The following CACNA2D2 variants were observed in gnomAD, a reference collection of about 807,000 sequenced individuals.
The protein encoded by CACNA2D2 is calcium voltage-gated channel auxiliary subunit alpha2delta 2, also known as voltage-dependent calcium channel subunit alpha-2/delta-2.
In CACNA2D2, 48 loss-of-function variants were observed where a neutral mutation model predicts 166.4. The observed-to-expected ratio is 0.29, with a 90% CI of 0.23 to 0.37. The LOEUF is 0.37. Ranked by LOEUF, CACNA2D2 falls within the 10% of genes least tolerant of loss-of-function variation. The probability of loss-of-function intolerance (pLI) is 1.00; values close to 1 mark genes in which losing one functional copy is unlikely to be tolerated. For missense variants in CACNA2D2, 1,122 were observed against 1,433.0 expected, an observed-to-expected ratio of 0.78 and a Z score of 3.50; for synonymous variants, 561 against 573.7, an observed-to-expected ratio of 0.98 and a Z score of 0.32.
rs1704026703 is a variant in CACNA2D2 at position 50,363,250 on chromosome 3, G to A, written c.*1416C>T. 4 of 398,766 alleles carry A rather than the reference G, an allele frequency of 1.0e-5. No homozygotes were observed. In the Admixed American group the frequency reaches 1.3e-4, roughly 13 times the overall value. The allele number at this position is 398,766 out of a possible 1,614,324, so 24.7% of individuals were successfully genotyped here. On this transcript the variant is annotated 3_prime_UTR_variant, in exon 38 of 38. Coordinates refer to ENST00000424201, the MANE Select transcript of CACNA2D2 (RefSeq NM_006030.4). ...GACACCCACCCTGGCACCAGCAGTG[G>A]GCATGGACCACACACACACACTGAG...
In CACNA2D2 at chr3:50,451,637, C is replaced by T. The variant is rs527562017; in HGVS notation, c.289-17208G>A. On this transcript the variant is annotated intron_variant, in intron 2 of 37. Transcript: ENST00000424201. ...CTTGGACAACTTCCATGGGTTTTAT[C>T]GATGGTACAGACTTAGCCCATGTCT... Among the ~76,000 whole-genome samples the T allele has an allele frequency of 4.2e-4, 64 of 152,320 alleles. No individual in the cohort carries two copies. In the South Asian group the frequency reaches 6.4e-3, roughly 15 times the overall value.
chr3:50,379,663 G>C lies in CACNA2D2; in HGVS notation c.993+62C>G, dbSNP rs1240569088. ...GCAGCTATTGCATGGGGCTGGTGAT[G>C]GTCACAGGAGCAGGGCAGATGGGGT... On this transcript the variant is annotated intron_variant, in intron 10 of 37. Transcript: ENST00000424201. This position sits in a 1 kb window ranked among gnomAD's most constrained non-coding sequence, Gnocchi z 6.5. 1.2e-6 allele frequency: 2 copies of C among 1,611,568 alleles called. No individual in the cohort carries two copies. The highest frequency in any genetic ancestry group is 1.7e-6 in the Non-Finnish European group (2 of 1,178,406).
rs587715736 is a variant in CACNA2D2 at position 50,385,613 on chromosome 3, A to G, written c.511-1276T>C. Among the ~76,000 whole-genome samples, 3 of 152,312 alleles carry G rather than the reference A, an allele frequency of 2.0e-5. No homozygotes were observed. The South Asian group carries it at 6.2e-4, about 32-fold the overall frequency. On this transcript the variant is annotated intron_variant, in intron 5 of 37. Transcript: ENST00000424201. ...GCAGACACTCTTTTCATCTCTTTGA[A>G]GGTGGATTTTGTACAGCAGAATCCA...
At chr3:50,484,066 C>T (rs537753999) in intron 1 of CACNA2D2, among the ~76,000 whole-genome samples, 33 of 152,254 alleles carry the variant, frequency 2.2e-4, no homozygotes, top group South Asian at 4.1e-4. Flanking sequence ...AAACGAGATC[C>T]GAGATCCTGA....
chr3:50,416,485 C>T (rs781482672), intron 3 of CACNA2D2, among the ~76,000 whole-genome samples: 7 of 152,206 alleles, frequency 4.6e-5, no homozygotes, highest in Non-Finnish European at 1.0e-4. Context: ...AGCTCCACGG[C>T]GGGGTGACCC....
Position 50,379,406 on chromosome 3 carries a change from C to T in CACNA2D2, c.1152+26G>A, listed in dbSNP as rs746278995. ...CCAGGGCCCTCTACTCCCCCAGCCG[C>T]CCACTTGCCCACCCATGGGGCTCAC... On this transcript the variant is annotated intron_variant, in intron 11 of 37. Transcript: ENST00000424201. This position sits in a 1 kb window ranked among gnomAD's most constrained non-coding sequence, Gnocchi z 6.5. 2 of 1,610,126 alleles carry T rather than the reference C, an allele frequency of 1.2e-6. No homozygotes were observed. Among genetic ancestry groups the T allele is most frequent in the East Asian group, 2.2e-5 (1 of 44,778 alleles).
In CACNA2D2 at chr3:50,364,734, G is replaced by A. The variant is rs1457876510; in HGVS notation, c.3364C>T (p.Leu1122=). The A allele has an allele frequency of 1.3e-6, 2 of 1,559,254 alleles. No individual in the cohort carries two copies. The highest frequency in any genetic ancestry group is 1.7e-6 in the Non-Finnish European group (2 of 1,152,522). Reference sequence around the variant, plus strand: ...CGGGGCGGCAGGCCCAGGAGGAGCAGCAGTTGCAGGGAGACCAGGACGCCC... The same window carrying A: ...CGGGGCGGCAGGCCCAGGAGGAGCAACAGTTGCAGGGAGACCAGGACGCCC... The part of the protein sequence containing the change: ...SLGVLVSLQL[L]LLLGLPPRPQ... Residue 1122 remains leucine (L), a synonymous_variant, in exon 38 of 38, where the codon CTG becomes TTG. Transcript: ENST00000424201.
Position 50,367,111 on chromosome 3 carries a change from TG to T in CACNA2D2, c.2402-3del. The T allele has an allele frequency of 1.2e-6, 2 of 1,611,102 alleles. No homozygotes were observed. Among genetic ancestry groups the T allele is most frequent in the East Asian group, 2.2e-5 (1 of 44,864 alleles). On this transcript the variant is annotated splice_polypyrimidine_tract_variant and splice_region_variant and intron_variant, in intron 27 of 37. Transcript: ENST00000424201. The surrounding 1 kb of genome is among the most constrained non-coding windows in gnomAD (Gnocchi z 6.5). The stretch of plus-strand genomic sequence containing the variant: ...CCAGCTCCAGCGGCCTTAACAGGGC[TG>T]GGGGTTGGGTGGGGAAGTCAGGAGT...
chr3:50,448,849 C>G (rs1050039572), intron 2 of CACNA2D2, among the ~76,000 whole-genome samples: 1 of 152,130 alleles, frequency 6.6e-6, no homozygotes, highest in Non-Finnish European at 1.5e-5. Context: ...AGCCACTACC[C>G]CCACAGACCC....
intron 3 of CACNA2D2, among the ~76,000 whole-genome samples, chr3:50,431,432 G>A (rs1708058449): frequency 6.6e-6 from 1 of 152,220 alleles, no homozygotes; most frequent in African/African-American, 2.4e-5. Context: ...CATGAGCTAT[G>A]GGCTCAGTGC....
intron 1 of CACNA2D2, among the ~76,000 whole-genome samples, chr3:50,496,617 C>T (rs907550045): frequency 1.3e-5 from 2 of 152,232 alleles, no homozygotes; most frequent in African/African-American, 4.8e-5. Context: ...CCCCCTAGAT[C>T]CAGTCGGGAT....
intron 3 of CACNA2D2, among the ~76,000 whole-genome samples, chr3:50,396,077 G>A (rs1477320432): frequency 6.6e-6 from 1 of 151,994 alleles, no homozygotes; most frequent in Admixed American, 6.6e-5. Flanking sequence ...AGGGTTTTGG[G>A]GGCCCCAGGC....
At chr3:50,457,589 C>T (rs1709417253) in intron 2 of CACNA2D2, among the ~76,000 whole-genome samples, 1 of 152,162 alleles carries the variant, frequency 6.6e-6, no homozygotes, top group Non-Finnish European at 1.5e-5. Flanking sequence ...TCTCCAGGTC[C>T]AGTCCTTGCC....
chr3:50,487,990 A>T (rs1698361899), intron 1 of CACNA2D2, among the ~76,000 whole-genome samples: 2 of 152,090 alleles, frequency 1.3e-5, no homozygotes, highest in Non-Finnish European at 2.9e-5. Flanking sequence ...CCTGATCCGG[A>T]TTGGGGCCTG....
At position 50,427,880 on chromosome 3, in the gene CACNA2D2, G is replaced by A. The variant is rs1012895386; in HGVS notation, c.405+6433C>T. On this transcript the variant is annotated intron_variant, in intron 3 of 37. Coordinates refer to ENST00000424201, the MANE Select transcript of CACNA2D2 (RefSeq NM_006030.4). The surrounding 1 kb of genome is among the most constrained non-coding windows in gnomAD (Gnocchi z 4.7). The stretch of plus-strand genomic sequence containing the variant: ...GGGCCAACCTGTTTGTCTCACCCTC[G>A]TCAGTGAATGCACCCGTGGACTCAG... 2.0e-5 allele frequency among the ~76,000 whole-genome samples: 3 copies of A among 152,172 alleles called. No individual in the cohort carries two copies. The highest frequency in any genetic ancestry group is 4.4e-5 in the Non-Finnish European group (3 of 68,042).
chr3:50,447,779 C>G (rs1197631028), intron 2 of CACNA2D2, among the ~76,000 whole-genome samples: 2 of 152,144 alleles, frequency 1.3e-5, no homozygotes, highest in African/African-American at 4.8e-5. Context: ...GAACTCCACA[C>G]CCCAGGCCTC....
chr3:50,390,524 G>A (rs1051670915), intron 4 of CACNA2D2, among the ~76,000 whole-genome samples: 52 of 152,144 alleles, frequency 3.4e-4, no homozygotes, highest in Admixed American at 2.0e-4. Context: ...AGTCCCGGGT[G>A]GAGTGAAACG....
At chr3:50,404,317 A>G (rs1706587596) in intron 3 of CACNA2D2, among the ~76,000 whole-genome samples, 1 of 152,186 alleles carries the variant, frequency 6.6e-6, no homozygotes, top group Non-Finnish European at 1.5e-5. Flanking sequence ...TCTGCTCTCC[A>G]GGACCACAAC....
chr3:50,421,459 G>A (rs1413031638), intron 3 of CACNA2D2, among the ~76,000 whole-genome samples: 3 of 152,082 alleles, frequency 2.0e-5, no homozygotes, highest in Admixed American at 2.0e-4. Context: ...GCTGTCCATA[G>A]ATGAAGCACA....
Sources: gnomAD v4.1 joint callset for allele counts (sites outside exome capture counted in the v4.1 genomes callset) on GRCh38, gnomAD v4.1.1 for gene constraint, Gnocchi (gnomAD v3.1) non-coding constraint, MANE v1.5 for transcripts, NCBI Gene and HGNC (gene_info 2026-07-23, HGNC 2026-07-21) for gene names.